RNF19B: variants seen among roughly 807,000 people sequenced by gnomAD.
The protein encoded by RNF19B is E3 ubiquitin-protein ligase RNF19B.
Under a neutral mutation model 65.5 loss-of-function variants are expected in RNF19B, and 23 were observed. The ratio of observed to expected loss-of-function variants is 0.35; its 90% CI spans 0.25 to 0.50. The LOEUF (loss-of-function observed/expected upper bound fraction) is 0.50. Among genes scored for constraint, RNF19B ranks in the 20% least tolerant of loss-of-function variants. The probability of loss-of-function intolerance (pLI) is 0.98; values close to 1 mark genes in which losing one functional copy is unlikely to be tolerated. For synonymous variants in RNF19B, 372 were observed against 379.6 expected (o/e 0.98, Z 0.23); for missense variants, 794 against 980.0 (o/e 0.81, Z 2.53).
chr1:32,941,729 T>C (rs1342491435), intron 7 of RNF19B, among the ~76,000 whole-genome samples: 2 of 151,908 alleles, frequency 1.3e-5, no homozygotes, highest in Non-Finnish European at 2.9e-5. Context: ...GCAGCTATGG[T>C]GCAATGGAAA....
At position 32,964,426 on chromosome 1, in the gene RNF19B, T is replaced by C; in HGVS notation, c.260A>G (p.Glu87Gly). ...CGCCGCCGCGGCCTCCGCCTCGGCC[T>C]CGGCGGCCGGCTCGGCGGGCAGCGC... ...PEALPAEPAA[E>G]AEAEAAAAAA... The change falls in exon 1 of 9, where the codon GAG (glutamate) becomes GGG (glycine). Residue 87 changes from glutamate to glycine, a missense_variant. Coordinates refer to ENST00000235150, the MANE Select transcript of RNF19B (RefSeq NM_001300826.2). This position sits in a 1 kb window ranked among gnomAD's most constrained non-coding sequence, Gnocchi z 6.5. The C allele has an allele frequency of 8.4e-7, 1 of 1,191,782 alleles. No individual in the cohort carries two copies. Among genetic ancestry groups the C allele is most frequent in the South Asian group, 4.0e-5 (1 of 24,744 alleles). The allele number at this position is 1,191,782 out of a possible 1,614,324, so 73.8% of individuals were successfully genotyped here.
chr1:32,933,303 G>A (rs1642051481), downstream of RNF19B, among the ~76,000 whole-genome samples: 1 of 151,702 alleles, frequency 6.6e-6, no homozygotes, highest in South Asian at 2.1e-4. Context: ...TGCCCAGGCT[G>A]GAGTGCAGTG....
downstream of RNF19B, among the ~76,000 whole-genome samples, chr1:32,935,914 A>G (rs2124096919): frequency 6.6e-6 from 1 of 151,802 alleles, no homozygotes; most frequent in South Asian, 2.1e-4. Flanking sequence ...CCGCCTGGCT[A>G]ATTTTTGTAC....
At chr1:32,931,610 T>C (rs1392277927), downstream of RNF19B, among the ~76,000 whole-genome samples, 1 of 152,248 alleles carries the variant, frequency 6.6e-6, no homozygotes, top group Non-Finnish European at 1.5e-5. Context: ...ATTCAACTTA[T>C]GTTGTATGTA....
At chr1:32,952,456 A>C (rs1230191445) in intron 1 of RNF19B, among the ~76,000 whole-genome samples, 5 of 145,430 alleles carry the variant, frequency 3.4e-5, no homozygotes, top group Non-Finnish European at 7.5e-5. Context: ...AAAAAAAAAA[A>C]AAACAGCCTG....
At chr1:32,951,051 A>C (rs557900699) in intron 1 of RNF19B, among the ~76,000 whole-genome samples, 1 of 151,648 alleles carries the variant, frequency 6.6e-6, no homozygotes, top group African/African-American at 2.4e-5. Context: ...GTTGGCCAGG[A>C]TGGTCTCGAT....
chr1:32,943,192 T>TCTACGTTACTTGTGCC (rs1642280670), intron 6 of RNF19B, among the ~76,000 whole-genome samples: 1 of 152,006 alleles, frequency 6.6e-6, no homozygotes, highest in African/African-American at 2.4e-5. Flanking sequence ...TTTGGGGTTT[T>TCTACGTTACTTGTGCC]CTACGTTACT....
intron 1 of RNF19B, among the ~76,000 whole-genome samples, chr1:32,957,049 G>A (rs1196939449): frequency 2.0e-5 from 3 of 152,062 alleles, no homozygotes; most frequent in African/African-American, 7.2e-5. Flanking sequence ...ATTCTGGAAG[G>A]TTACTCTTTT....
chr1:32,936,090 T>C (rs1180109341), downstream of RNF19B, among the ~76,000 whole-genome samples: 2 of 152,090 alleles, frequency 1.3e-5, no homozygotes, highest in African/African-American at 4.8e-5. Flanking sequence ...TGCCACTCCT[T>C]CTCTCCTCTG....
intron 1 of RNF19B, among the ~76,000 whole-genome samples, chr1:32,962,239 G>A (rs780326103): frequency 3.0e-4 from 46 of 152,126 alleles, no homozygotes; most frequent in Non-Finnish European, 5.6e-4. Context: ...AGAATGCTAG[G>A]ACTATAGGCG....
At chr1:32,951,326 C>T (rs137863314) in intron 1 of RNF19B, among the ~76,000 whole-genome samples, 112 of 152,366 alleles carry the variant, frequency 7.4e-4, no homozygotes, top group African/African-American at 2.5e-3. Context: ...TCCAACGCCC[C>T]TTTGCAGATG....
In RNF19B at chr1:32,937,156, G is replaced by C; in HGVS notation, c.1846C>G (p.Gln616Glu). 6.2e-7 allele frequency: 1 copy of C among 1,614,180 alleles called. No homozygotes were observed. The highest frequency in any genetic ancestry group is 1.1e-5 in the South Asian group (1 of 91,080). Residue 616 changes from glutamine to glutamate, a missense_variant, in exon 9 of 9, where the codon CAG becomes GAG. Around this residue, in one of 3 missense-constraint regions of RNF19B, gnomAD observed 368 missense variants for 447.3 expected, o/e 0.82. Coordinates refer to ENST00000235150, the MANE Select transcript of RNF19B (RefSeq NM_001300826.2). ...STEDSLHVHA[Q>E]MAENEEEGSG... ...CCTTCTTCTTCATTCTCTGCCATCTGAGCATGAACATGGAGCGAGTCCTCC... is the reference window on the plus strand; with the variant it reads ...CCTTCTTCTTCATTCTCTGCCATCTCAGCATGAACATGGAGCGAGTCCTCC...
At chr1:32,948,102 A>T (rs1642409831) in intron 3 of RNF19B, 120 bp downstream of exon 3, 1 of 965,114 alleles carries the variant, frequency 1.0e-6, no homozygotes, top group Middle Eastern at 2.2e-4. Flanking sequence ...ATGTCAGAAG[A>T]AGTTTTCACA....
intron 6 of RNF19B, among the ~76,000 whole-genome samples, chr1:32,943,575 C>T (rs1206075656): frequency 6.6e-6 from 1 of 151,290 alleles, no homozygotes; most frequent in Non-Finnish European, 1.5e-5. Context: ...GAGATCGCGA[C>T]ATCGTACTCC....
At chr1:32,945,815 A>C (rs1642353682) in intron 4 of RNF19B, among the ~76,000 whole-genome samples, 187 bp from the exon 5 acceptor site, 1 of 152,192 alleles carries the variant, frequency 6.6e-6, no homozygotes, top group African/African-American at 2.4e-5. Flanking sequence ...ATACAGGCAA[A>C]GTTAATCCAA....
At chr1:32,934,592 A>AC (rs987989123), downstream of RNF19B, among the ~76,000 whole-genome samples, 16 of 150,478 alleles carry the variant, frequency 1.1e-4, no homozygotes, top group African/African-American at 3.2e-4. Context: ...GAGACTTGAG[A>AC]ATCACTTGAA....
downstream of RNF19B, among the ~76,000 whole-genome samples, chr1:32,934,856 G>A (rs780524725): frequency 3.3e-5 from 5 of 152,032 alleles, no homozygotes; most frequent in East Asian, 1.9e-4. Context: ...TTTGTCAGAC[G>A]GAGTCTCACT....
chr1:32,937,276 C>G lies in RNF19B; in HGVS notation c.1743-17G>C, dbSNP rs773549167. On this transcript the variant is annotated splice_polypyrimidine_tract_variant and intron_variant, in intron 8 of 8. Coordinates refer to ENST00000235150, the MANE Select transcript of RNF19B (RefSeq NM_001300826.2). Reference sequence around the variant, plus strand: ...TTGCATTCTCTGTGGAGACAAAATCCACTTTGCTGAGTCATGCATGGATCA... The same window carrying G: ...TTGCATTCTCTGTGGAGACAAAATCGACTTTGCTGAGTCATGCATGGATCA... The G allele has an allele frequency of 6.8e-6, 11 of 1,613,130 alleles. No individual in the cohort carries two copies. The East Asian group carries it at 2.0e-4, about 29-fold the overall frequency.
In RNF19B at chr1:32,964,724, G is replaced by T; in HGVS notation, c.-39C>A. 1.5e-6 allele frequency: 2 copies of T among 1,377,356 alleles called. No individual in the cohort carries two copies. Among genetic ancestry groups the T allele is most frequent in the Non-Finnish European group, 9.3e-7 (1 of 1,069,870 alleles). 85.3% of individuals were successfully genotyped at this position (1,377,356 alleles called of 1,614,324 possible). On this transcript the variant is annotated 5_prime_UTR_variant, in exon 1 of 9. Transcript: ENST00000235150. The surrounding 1 kb of genome is among the most constrained non-coding windows in gnomAD (Gnocchi z 6.5). ...CGAGGAGCCAGGGGCGCCCAGCGCC[G>T]CCACAGCTCCCGCCTCAGCGCCCCT...
Sources: allele counts gnomAD v4.1 joint callset (sites outside exome capture counted in the v4.1 genomes callset), GRCh38; gene constraint gnomAD v4.1.1; regional missense constraint gnomAD v4.1.1; non-coding constraint Gnocchi (gnomAD v3.1); transcripts MANE v1.5; gene names NCBI Gene and HGNC (gene_info 2026-07-23, HGNC 2026-07-21).